Variants in SUMF1 observed in about 807,000 individuals in gnomAD.
SUMF1 encodes the protein sulfatase modifying factor 1, also known as formylglycine-generating enzyme.
In SUMF1, 48 loss-of-function variants were observed where a neutral mutation model predicts 47.6. The ratio of observed to expected loss-of-function variants is 1.01; its 90% CI spans 0.80 to 1.28. SUMF1 has a LOEUF of 1.28. Among genes scored for constraint, SUMF1 ranks in the 50% most tolerant of loss-of-function variants. The pLI, the probability that SUMF1 is intolerant of heterozygous loss-of-function variation, is 0.00. For missense variants in SUMF1, 571 were observed against 485.4 expected (o/e 1.18, Z -1.66); for synonymous variants, 230 against 192.1 (o/e 1.20, Z -1.63).
Position 4,467,256 on chromosome 3 carries a change from G to A in SUMF1, c.-11C>T. On this transcript the variant is annotated 5_prime_UTR_variant, in exon 1 of 9. Transcript: ENST00000272902. ...TGCGGGCGCAGCCATGTTGTCCCGCGGGCCATGTGACCCGGTTGGTCACGT... is the reference window on the plus strand; with the variant it reads ...TGCGGGCGCAGCCATGTTGTCCCGCAGGCCATGTGACCCGGTTGGTCACGT... 1.2e-6 allele frequency: 2 copies of A among 1,605,410 alleles called. No homozygotes were observed. The highest frequency in any genetic ancestry group is 1.7e-6 in the Non-Finnish European group (2 of 1,176,578).
intron 8 of SUMF1, among the ~76,000 whole-genome samples, chr3:4,161,362 C>G (rs1038714598): frequency 6.6e-6 from 1 of 152,158 alleles, no homozygotes; most frequent in African/African-American, 2.4e-5. Flanking sequence ...GGAAAGCCAG[C>G]AAGGCTTGTG....
At chr3:4,454,941 G>A (rs767247577) in intron 1 of SUMF1, among the ~76,000 whole-genome samples, 23 of 152,214 alleles carry the variant, frequency 1.5e-4, no homozygotes, top group Non-Finnish European at 2.6e-4. Flanking sequence ...GGGAATGATT[G>A]CTAATGGGCA....
chr3:4,313,955 T>G, intron 8 of SUMF1: 2 of 992,054 alleles, frequency 2.0e-6, no homozygotes, highest in Non-Finnish European at 2.9e-6. Context: ...CCCAGAATAC[T>G]CACTTTCCTA....
At chr3:4,384,354 C>T (rs1700602574) in intron 7 of SUMF1, among the ~76,000 whole-genome samples, 1 of 152,190 alleles carries the variant, frequency 6.6e-6, no homozygotes, top group Non-Finnish European at 1.5e-5. Context: ...CCAATGGCAA[C>T]ATCTTCCAAA....
At chr3:4,289,295 G>A (rs1028865814) in intron 8 of SUMF1, among the ~76,000 whole-genome samples, 5 of 152,196 alleles carry the variant, frequency 3.3e-5, no homozygotes, top group Non-Finnish European at 7.3e-5. Context: ...TTACAAAGCT[G>A]ACTCCAAAAT....
chr3:4,283,564 G>C (rs1209166747), intron 8 of SUMF1, among the ~76,000 whole-genome samples: 3 of 152,188 alleles, frequency 2.0e-5, no homozygotes, highest in Admixed American at 6.5e-5. Flanking sequence ...CCTTTGGAGG[G>C]ATCAGTGCAT....
At chr3:4,058,849 G>C (rs914990700) in intron 9 of SUMF1, among the ~76,000 whole-genome samples, 1 of 151,984 alleles carries the variant, frequency 6.6e-6, no homozygotes, top group Admixed American at 6.6e-5. Flanking sequence ...AAACAGTCAG[G>C]CTTAGTTAAT....
chr3:4,249,123 T>A (rs77504618), intron 8 of SUMF1, among the ~76,000 whole-genome samples: 1 of 152,226 alleles, frequency 6.6e-6, no homozygotes, highest in Non-Finnish European at 1.5e-5. Flanking sequence ...ATGCATTGGC[T>A]TCAAAATCAG....
chr3:4,214,576 C>G (rs1325524725), intron 8 of SUMF1, among the ~76,000 whole-genome samples: 4 of 151,928 alleles, frequency 2.6e-5, no homozygotes, highest in South Asian at 2.1e-4. Context: ...CTGAAGGAGA[C>G]AGAGACACGA....
At chr3:4,336,460 G>C (rs776973830) in intron 8 of SUMF1, among the ~76,000 whole-genome samples, 2 of 152,196 alleles carry the variant, frequency 1.3e-5, no homozygotes, top group African/African-American at 2.4e-5. Context: ...ATGAGGCTAT[G>C]ACACGGGTTG....
In SUMF1 at chr3:4,097,416, G is replaced by A. The variant is rs189812891; in HGVS notation, c.1015-28671C>T. Among the ~76,000 whole-genome samples the A allele has an allele frequency of 2.6e-3, 400 of 152,096 alleles. 4 individuals are homozygous for A. Among genetic ancestry groups the A allele is most frequent in the African/African-American group, 8.8e-3 (363 of 41,464 alleles). ...AAAAAGACAAAAATTAGCCAGGCGT[G>A]GGGGCAGGTGCCTGTAATCCCAGCT... On this transcript the variant is annotated intron_variant and NMD_transcript_variant, in intron 8 of 12. Coordinates refer to the SUMF1 transcript ENST00000448413.
At chr3:4,465,781 G>C (rs1227370469) in intron 1 of SUMF1, among the ~76,000 whole-genome samples, 2 of 152,222 alleles carry the variant, frequency 1.3e-5, no homozygotes, top group African/African-American at 4.8e-5. Context: ...GTTGGGGAGA[G>C]ACATCAGCAG....
chr3:4,233,948 T>C (rs1404846617), intron 8 of SUMF1, among the ~76,000 whole-genome samples: 1 of 151,926 alleles, frequency 6.6e-6, no homozygotes, highest in Non-Finnish European at 1.5e-5. Context: ...AGGTCACACT[T>C]ACCTAATTAG....
chr3:4,202,699 T>C (rs939119233), intron 8 of SUMF1, among the ~76,000 whole-genome samples: 3 of 152,042 alleles, frequency 2.0e-5, no homozygotes, highest in Admixed American at 6.6e-5. Flanking sequence ...CTTTGAATAG[T>C]ATGGATGTTT....
At chr3:4,313,823 G>T (rs1304054761) in intron 8 of SUMF1, 3 of 1,601,850 alleles carry the variant, frequency 1.9e-6, no homozygotes, top group African/African-American at 1.3e-5. Context: ...TGGTTGGCTA[G>T]CTTTACCTCT....
chr3:4,366,631 A>C (rs977265602), intron 8 of SUMF1, among the ~76,000 whole-genome samples: 8 of 151,610 alleles, frequency 5.3e-5, no homozygotes, highest in Middle Eastern at 3.4e-3. Context: ...ATTTTTTTCA[A>C]AGTTTTTAAC....
chr3:4,113,566 T>C (rs1177596843), intron 8 of SUMF1, among the ~76,000 whole-genome samples: 1 of 151,954 alleles, frequency 6.6e-6, no homozygotes. Context: ...TATATCATAT[T>C]ATTGCTAACT....
chr3:4,153,795 T>C lies in SUMF1; in HGVS notation c.1015-85050A>G, dbSNP rs1043776502. On this transcript the variant is annotated intron_variant and NMD_transcript_variant, in intron 8 of 12. Coordinates refer to the SUMF1 transcript ENST00000448413. ...CAGCAACATGATTGTATAGAAATTA[T>C]TGTTGCCTACAATTGCTTTTAGAAT... Among the ~76,000 whole-genome samples, 13 of 151,536 alleles carry C rather than the reference T, an allele frequency of 8.6e-5. 1 individual carries two copies. The highest frequency in any genetic ancestry group is 2.2e-4 in the African/African-American group (9 of 40,874).
At chr3:4,076,425 T>C (rs927952801) in intron 8 of SUMF1, among the ~76,000 whole-genome samples, 1 of 152,076 alleles carries the variant, frequency 6.6e-6, no homozygotes, top group African/African-American at 2.4e-5. Context: ...ATTCAGGACA[T>C]AGGCATGGGC....
Sources: gnomAD v4.1 joint callset for allele counts (sites outside exome capture counted in the v4.1 genomes callset) on GRCh38, gnomAD v4.1.1 for gene constraint, MANE v1.5 for transcripts, NCBI Gene and HGNC (gene_info 2026-07-23, HGNC 2026-07-21) for gene names.